Variants in MAP4K3 observed in about 807,000 individuals in gnomAD.
MAP4K3 encodes mitogen-activated protein kinase kinase kinase kinase 3.
In MAP4K3, 94 loss-of-function variants were observed where a neutral mutation model predicts 143.5. The observed-to-expected ratio is 0.65, with a 90% CI of 0.55 to 0.78. MAP4K3 has a LOEUF of 0.78. Ranked by LOEUF, MAP4K3 falls within the 30% of genes least tolerant of loss-of-function variation. The pLI is 0.00. For synonymous variants in MAP4K3, 416 were observed against 347.2 expected (o/e 1.20, Z -2.20); for missense variants, 1,077 against 1,068.1 (o/e 1.01, Z -0.12).
chr2:39,326,207 C>T lies in MAP4K3; in HGVS notation c.601G>A (p.Gly201Arg), dbSNP rs868221964. The change falls in exon 9 of 34, where the codon GGA becomes AGA. Residue 201 changes from glycine to arginine, a missense_variant. Physicochemically the swap from Gly to Arg is moderately radical, Grantham distance 125 (BLOSUM62 -2). Around this residue, in one of 2 missense-constraint regions of MAP4K3, gnomAD observed 213 missense variants for 266.8 expected, o/e 0.80. Transcript: ENST00000263881. ...TCTGCAAGTTCTATGGCAGTGATTC[C>T]CACTGCCCAGAGATCACAGAGTTGA... Reference protein sequence around the residue: ...YNQLCDLWAVGITAIELAELQ... With the variant: ...YNQLCDLWAVRITAIELAELQ... The T allele has an allele frequency of 6.2e-7, 1 of 1,613,314 alleles. No homozygotes were observed. The highest frequency in any genetic ancestry group is 8.5e-7 in the Non-Finnish European group (1 of 1,179,452).
At chr2:39,414,093 T>C (rs973098691) in intron 1 of MAP4K3, among the ~76,000 whole-genome samples, 3 of 152,172 alleles carry the variant, frequency 2.0e-5, no homozygotes, top group Admixed American at 6.5e-5. Context: ...CTTGATTTTG[T>C]TCCTCTCTGT....
chr2:39,294,628 T>C (rs770336720), intron 16 of MAP4K3, among the ~76,000 whole-genome samples: 9 of 152,248 alleles, frequency 5.9e-5, no homozygotes, highest in Non-Finnish European at 1.2e-4. Flanking sequence ...GATTTCTCTA[T>C]GCTTTGATTT....
chr2:39,430,767 A>C (rs1665259812), intron 1 of MAP4K3, among the ~76,000 whole-genome samples: 1 of 152,232 alleles, frequency 6.6e-6, no homozygotes. Context: ...TATGCCAAAG[A>C]TACATTAACC....
intron 21 of MAP4K3, 105 bp downstream of exon 21, chr2:39,286,747 G>A (rs1681793270): frequency 2.2e-6 from 1 of 455,880 alleles, no homozygotes; most frequent in South Asian, 7.6e-5. Flanking sequence ...TATAGTAATT[G>A]TAAAATATAC....
At chr2:39,363,265 T>A (rs976298577) in intron 2 of MAP4K3, among the ~76,000 whole-genome samples, 1 of 152,192 alleles carries the variant, frequency 6.6e-6, no homozygotes, top group Non-Finnish European at 1.5e-5. Context: ...ATTAAAAGAC[T>A]ACCTATGGAA....
chr2:39,308,920 A>G (rs779696644), intron 14 of MAP4K3, among the ~76,000 whole-genome samples: 1 of 152,114 alleles, frequency 6.6e-6, no homozygotes, highest in Non-Finnish European at 1.5e-5. Context: ...TCATAAAAAT[A>G]ACACATTTTA....
At chr2:39,394,554 T>C (rs540177547) in intron 1 of MAP4K3, among the ~76,000 whole-genome samples, 1 of 152,246 alleles carries the variant, frequency 6.6e-6, no homozygotes, top group African/African-American at 2.4e-5. Flanking sequence ...TCTAGAACAG[T>C]CCTCAAAGGA....
chr2:39,312,590 C>T (rs1682978643), intron 13 of MAP4K3, among the ~76,000 whole-genome samples: 1 of 152,174 alleles, frequency 6.6e-6, no homozygotes, highest in African/African-American at 2.4e-5. Context: ...TTGAGAAACA[C>T]AGCCCTGTAA....
rs575996857 is a variant in MAP4K3, at chr2:39,346,080, C to T, written c.246-2628G>A. On this transcript the variant is annotated intron_variant, in intron 3 of 33. Coordinates refer to ENST00000263881, the MANE Select transcript of MAP4K3 (RefSeq NM_003618.4). ...TTTCTAATATGGTAAATACCAATAG[C>T]TATAAATTATATAAATATGTGCCAG... Among the ~76,000 whole-genome samples the T allele has an allele frequency of 1.3e-3, 199 of 152,198 alleles. 3 individuals carry two copies. The highest frequency in any genetic ancestry group is 4.6e-3 in the African/African-American group (193 of 41,514).
intron 1 of MAP4K3, among the ~76,000 whole-genome samples, chr2:39,384,439 G>A (rs1051650670): frequency 8.5e-5 from 13 of 152,330 alleles, no homozygotes; most frequent in African/African-American, 2.4e-4. Flanking sequence ...CCAGCTACTC[G>A]AGAGGCTGGG....
chr2:39,434,677 C>G (rs1194233515), intron 1 of MAP4K3, among the ~76,000 whole-genome samples: 1 of 152,214 alleles, frequency 6.6e-6, no homozygotes, highest in African/African-American at 2.4e-5. Flanking sequence ...AGAATACAGT[C>G]CCTAATTGGT....
chr2:39,345,341 C>T (rs1665257431), intron 3 of MAP4K3, among the ~76,000 whole-genome samples: 1 of 151,962 alleles, frequency 6.6e-6, no homozygotes, highest in Non-Finnish European at 1.5e-5. Context: ...TATTTGAGCC[C>T]AGGAGTTCGA....
At chr2:39,265,740 T>A (rs1338899532) in intron 27 of MAP4K3, among the ~76,000 whole-genome samples, 1 of 152,170 alleles carries the variant, frequency 6.6e-6, no homozygotes, top group African/African-American at 2.4e-5. Flanking sequence ...TAATGTTTTG[T>A]TTCTGAAAAT....
chr2:39,374,187 T>A lies in MAP4K3; in HGVS notation c.154+3879A>T, dbSNP rs558629830. Among the ~76,000 whole-genome samples, 11 of 152,048 alleles carry A rather than the reference T, an allele frequency of 7.2e-5. No homozygotes were observed. The East Asian group carries it at 1.9e-3, about 27-fold the overall frequency. On this transcript the variant is annotated intron_variant, in intron 2 of 33. Transcript: ENST00000263881. Reference sequence around the variant, plus strand: ...ACTTGATGCCAGGAGTTTGAGGCCATCATGGCCAACAGGATGAAACCTTGT... The same window carrying A: ...ACTTGATGCCAGGAGTTTGAGGCCAACATGGCCAACAGGATGAAACCTTGT...
Position 39,288,520 on chromosome 2 carries a change from C to T in MAP4K3, c.1315-240G>A, listed in dbSNP as rs188949942. Among the ~76,000 whole-genome samples, 685 of 152,252 alleles carry T rather than the reference C, an allele frequency of 4.5e-3. 3 individuals carry two copies. The highest frequency in any genetic ancestry group is 8.0e-3 in the Non-Finnish European group (543 of 68,028). ...TGCTGCTGTGCAAATAAAAGGGCCTCTAAGTCGACTTTTTTATTAATTCCT... is the reference window on the plus strand; with the variant it reads ...TGCTGCTGTGCAAATAAAAGGGCCTTTAAGTCGACTTTTTTATTAATTCCT... On this transcript the variant is annotated intron_variant, in intron 19 of 33. Transcript: ENST00000263881.
At chr2:39,310,475 C>G (rs1323950330) in intron 13 of MAP4K3, among the ~76,000 whole-genome samples, 1 of 151,982 alleles carries the variant, frequency 6.6e-6, no homozygotes, top group Non-Finnish European at 1.5e-5. Context: ...TACTACATTT[C>G]TTTTATTTAT....
intron 21 of MAP4K3, among the ~76,000 whole-genome samples, chr2:39,285,066 AT>A (rs1681711352): frequency 6.6e-6 from 1 of 151,570 alleles, no homozygotes; most frequent in Admixed American, 6.6e-5. Context: ...CTAAATTTTT[AT>A]TTTTTGTAGA....
intron 4 of MAP4K3, among the ~76,000 whole-genome samples, chr2:39,339,510 G>C (rs1355916997): frequency 6.6e-6 from 1 of 152,136 alleles, no homozygotes; most frequent in African/African-American, 2.4e-5. Context: ...CTGTCTCTTA[G>C]GGGAAGGTTA....
At chr2:39,256,327 CA>C in intron 31 of MAP4K3, among the ~76,000 whole-genome samples, 1 of 152,248 alleles carries the variant, frequency 6.6e-6, no homozygotes, top group Non-Finnish European at 1.5e-5. Flanking sequence ...GTGATAATAG[CA>C]AACATCCTTA....
Sources: allele counts gnomAD v4.1 joint callset (sites outside exome capture counted in the v4.1 genomes callset), GRCh38; gene constraint gnomAD v4.1.1; regional missense constraint gnomAD v4.1.1; transcripts MANE v1.5; gene names NCBI Gene and HGNC (gene_info 2026-07-23, HGNC 2026-07-21).